The following ALK variants were observed in gnomAD, a reference collection of about 807,000 sequenced individuals.
ALK encodes the protein ALK tyrosine kinase receptor.
ALK carries 74 observed loss-of-function variants against 163.1 expected under a neutral mutation model. That is an observed-to-expected ratio of 0.45 (90% confidence interval 0.38 to 0.55). The LOEUF is 0.55. Ranked by LOEUF, ALK falls within the 20% of genes least tolerant of loss-of-function variation. The pLI, the probability that ALK is intolerant of heterozygous loss-of-function variation, is 0.00. For missense variants in ALK, 2,063 were observed against 2,105.3 expected (o/e 0.98, Z 0.39); for synonymous variants, 960 against 843.2 (o/e 1.14, Z -2.40).
chr2:29,355,265 C>T (rs764027655), intron 5 of ALK, among the ~76,000 whole-genome samples: 1 of 152,192 alleles, frequency 6.6e-6, no homozygotes, highest in Admixed American at 6.5e-5. Context: ...GCATGGTGGG[C>T]ATCCTGATTC....
chr2:29,330,364 C>T (rs1244873274), intron 5 of ALK, among the ~76,000 whole-genome samples: 1 of 152,220 alleles, frequency 6.6e-6, no homozygotes, highest in East Asian at 1.9e-4. Context: ...CTCACAGACA[C>T]TGCCTGGCAC....
intron 3 of ALK, among the ~76,000 whole-genome samples, chr2:29,582,209 C>T (rs1455153637): frequency 2.0e-5 from 3 of 152,208 alleles, no homozygotes; most frequent in Admixed American, 1.3e-4. Flanking sequence ...AGAAACAGAG[C>T]ACCATGCAGG....
chr2:29,283,763 A>G (rs1360654685), intron 9 of ALK, among the ~76,000 whole-genome samples: 1 of 152,122 alleles, frequency 6.6e-6, no homozygotes, highest in Non-Finnish European at 1.5e-5. Context: ...TTTGTTTAGC[A>G]TGAGATGCTA....
chr2:29,748,991 T>A (rs1680281310), intron 1 of ALK, among the ~76,000 whole-genome samples: 1 of 152,180 alleles, frequency 6.6e-6, no homozygotes, highest in Admixed American at 6.5e-5. Context: ...GTGATCCACC[T>A]GCCTTGGCCT....
intron 4 of ALK, among the ~76,000 whole-genome samples, chr2:29,440,338 A>C (rs1229546370): frequency 3.1e-5 from 1 of 31,822 alleles, no homozygotes; most frequent in Admixed American, 2.4e-4. Context: ...TTTTTTTTTG[A>C]GACGGAGTCT....
chr2:29,455,238 A>G (rs1435549988), intron 4 of ALK, among the ~76,000 whole-genome samples: 1 of 152,174 alleles, frequency 6.6e-6, no homozygotes, highest in Admixed American at 6.5e-5. Context: ...GCCCAGAGGG[A>G]CTGTCAGCAG....
chr2:29,661,328 T>G (rs1677339702), intron 3 of ALK, among the ~76,000 whole-genome samples: 1 of 152,130 alleles, frequency 6.6e-6, no homozygotes, highest in South Asian at 2.1e-4. Flanking sequence ...TTAGGGGCTT[T>G]CTAACAGGCC....
rs760315884 is a variant in ALK at position 29,209,872 on chromosome 2, A to C, written c.3750T>G (p.Ile1250Met). The C allele has an allele frequency of 6.2e-7, 1 of 1,614,066 alleles. No individual in the cohort carries two copies. Among genetic ancestry groups the C allele is most frequent in the Non-Finnish European group, 8.5e-7 (1 of 1,179,912 alleles). ...LEENHFIHRD[I>M]AARNCLLTCP... ...AGGTCAAGAGGCAGTTTCTGGCAGC[A>C]ATGTCTCTGGGAAGAAAGGAAATGC... The change falls in exon 25 of 29, where the codon ATT (isoleucine) becomes ATG (methionine). Residue 1250 changes from isoleucine (I) to methionine (M), a missense_variant. Coordinates refer to ENST00000389048, the MANE Select transcript of ALK (RefSeq NM_004304.5).
At chr2:29,204,500 G>A (rs1025220396) in intron 26 of ALK, among the ~76,000 whole-genome samples, 2 of 150,366 alleles carry the variant, frequency 1.3e-5, no homozygotes, top group Non-Finnish European at 1.5e-5. Context: ...CTGTGGTTAC[G>A]GGATGTGGGG....
Position 29,720,662 on chromosome 2 carries a change from C to A in ALK, c.668-2965G>T, listed in dbSNP as rs369936354. ...AGTGCTAGTCAAAGTTCACAGAATA[C>A]ACATCAATGTAGAATATAAAGAACA... On this transcript the variant is annotated intron_variant, in intron 1 of 28. Transcript: ENST00000389048. Among the ~76,000 whole-genome samples the A allele has an allele frequency of 3.9e-5, 6 of 152,308 alleles. 1 individual carries two copies. In the East Asian group the frequency reaches 1.2e-3, roughly 29 times the overall value.
chr2:29,814,910 T>C (rs1572401069), intron 1 of ALK, among the ~76,000 whole-genome samples: 1 of 151,698 alleles, frequency 6.6e-6, no homozygotes, highest in East Asian at 1.9e-4. Context: ...TTAGTGGCAG[T>C]AGTCGTGGTG....
At chr2:29,253,005 T>C (rs1664861912) in intron 11 of ALK, among the ~76,000 whole-genome samples, 1 of 151,924 alleles carries the variant, frequency 6.6e-6, no homozygotes, top group African/African-American at 2.4e-5. Context: ...TTAAAACTTT[T>C]TGTTGAGATG....
intron 1 of ALK, among the ~76,000 whole-genome samples, chr2:29,750,697 A>AGGAAGGC (rs1553356472): frequency 5.9e-5 from 5 of 84,540 alleles, no homozygotes; most frequent in Admixed American, 1.3e-4. Flanking sequence ...GGAAGGAAGG[A>AGGAAGGC]AGGCAGGCAG....
chr2:29,281,718 A>T (rs908435111), intron 9 of ALK, among the ~76,000 whole-genome samples: 4 of 152,168 alleles, frequency 2.6e-5, no homozygotes, highest in Non-Finnish European at 4.4e-5. Flanking sequence ...AAACAGACTC[A>T]GCGGGGATCT....
chr2:29,647,775 C>CTTTTTTTTT (rs34620705), intron 3 of ALK, among the ~76,000 whole-genome samples: 1 of 117,208 alleles, frequency 8.5e-6, no homozygotes, highest in Non-Finnish European at 1.7e-5. Flanking sequence ...ATGATTTTTT[C>CTTTTTTTTT]TTTTTTTTTT....
intron 3 of ALK, among the ~76,000 whole-genome samples, chr2:29,653,032 G>A (rs2148255279): frequency 6.6e-6 from 1 of 152,266 alleles, no homozygotes; most frequent in South Asian, 2.1e-4. Context: ...AAGACTGGTA[G>A]GAAGCAGGGG....
intron 12 of ALK, among the ~76,000 whole-genome samples, chr2:29,245,988 T>C (rs1478510727): frequency 1.3e-5 from 2 of 152,246 alleles, no homozygotes; most frequent in African/African-American, 4.8e-5. Context: ...GGAACAGCTG[T>C]GGCCCAAGGT....
chr2:29,296,442 T>C (rs1666181033), intron 9 of ALK, among the ~76,000 whole-genome samples: 1 of 152,198 alleles, frequency 6.6e-6, no homozygotes. Context: ...GAGTGGTAAA[T>C]GATGATAAGG....
intron 4 of ALK, among the ~76,000 whole-genome samples, chr2:29,421,954 C>T (rs1426434499): frequency 6.6e-6 from 1 of 151,598 alleles, no homozygotes; most frequent in Non-Finnish European, 1.5e-5. Context: ...TTACAGCTAA[C>T]CTCTCTTTTT....
Sources: gnomAD v4.1 joint callset for allele counts (sites outside exome capture counted in the v4.1 genomes callset) on GRCh38, gnomAD v4.1.1 for gene constraint, MANE v1.5 for transcripts, NCBI Gene and HGNC (gene_info 2026-07-23, HGNC 2026-07-21) for gene names.